Variants in MALRD1 observed in about 807,000 individuals in gnomAD.
MALRD1 encodes the protein MAM and LDL-receptor class A domain-containing protein 1.
A neutral mutation model predicts 242.1 loss-of-function variants in MALRD1; 247 were observed. That is an observed-to-expected ratio of 1.02 (90% CI 0.92 to 1.13). The LOEUF (loss-of-function observed/expected upper bound fraction) is 1.13. Among genes scored for constraint, MALRD1 ranks in the 50% most tolerant of loss-of-function variants. MALRD1 has a pLI of 0.00. For missense variants in MALRD1, 2,989 were observed against 2,533.1 expected, an observed-to-expected ratio of 1.18 and a Z score of -3.86; for synonymous variants, 995 against 866.6, an observed-to-expected ratio of 1.15 and a Z score of -2.60.
At position 19,473,211 on chromosome 10, in the gene MALRD1, A is replaced by G. The variant is rs560672229; in HGVS notation, c.5030-18306A>G. On this transcript the variant is annotated intron_variant, in intron 29 of 39. Coordinates refer to ENST00000454679, the MANE Select transcript of MALRD1 (RefSeq NM_001142308.3). ...AAATTTTTCAACTTAAATTTTGAGG[A>G]TAAAGTGAGGTTATGACGTATACCC... 2.0e-5 allele frequency among the ~76,000 whole-genome samples: 3 copies of G among 150,922 alleles called. 1 individual carries two copies. In the South Asian group the frequency reaches 6.3e-4, roughly 31 times the overall value.
chr10:19,132,571 G>A lies in MALRD1; in HGVS notation c.1111-1285G>A, dbSNP rs180862633. Among the ~76,000 whole-genome samples the A allele has an allele frequency of 1.6e-4, 24 of 152,302 alleles. 1 individual carries two copies. The East Asian group carries it at 4.2e-3, about 27-fold the overall frequency. On this transcript the variant is annotated intron_variant, in intron 8 of 39. Transcript: ENST00000454679. ...AAAATCTTGGGCATGCATAAATTAT[G>A]TGAGGCTGAGTGAGGACACAAATAT...
intron 21 of MALRD1, among the ~76,000 whole-genome samples, chr10:19,321,864 A>G (rs1842925961): frequency 1.3e-5 from 2 of 152,122 alleles, no homozygotes; most frequent in Admixed American, 1.3e-4. Context: ...ATTTAATCCA[A>G]TCTCCATTAA....
intron 31 of MALRD1, among the ~76,000 whole-genome samples, chr10:19,516,851 C>T (rs373046834): frequency 1.3e-5 from 2 of 152,180 alleles, no homozygotes; most frequent in African/African-American, 4.8e-5. Flanking sequence ...TCTATGAGGT[C>T]CTACAGAAGA....
intron 28 of MALRD1, among the ~76,000 whole-genome samples, chr10:19,391,359 T>C (rs1202010010): frequency 3.3e-5 from 5 of 152,126 alleles, no homozygotes; most frequent in Admixed American, 3.3e-4. Flanking sequence ...TTCATCTTGG[T>C]GATTAATAAG....
chr10:19,226,978 A>G (rs1412297513), intron 18 of MALRD1, among the ~76,000 whole-genome samples: 1 of 152,104 alleles, frequency 6.6e-6, no homozygotes, highest in Non-Finnish European at 1.5e-5. Flanking sequence ...TGCCAATCCA[A>G]AATTTCTAAA....
chr10:19,599,972 G>T (rs1838277909), intron 34 of MALRD1, among the ~76,000 whole-genome samples: 1 of 152,238 alleles, frequency 6.6e-6, no homozygotes, highest in South Asian at 2.1e-4. Flanking sequence ...CCCAGATGGG[G>T]AGAGAAGGTG....
intron 33 of MALRD1, among the ~76,000 whole-genome samples, chr10:19,585,958 C>G (rs12262137): frequency 5.8e-4 from 89 of 152,210 alleles, no homozygotes; most frequent in African/African-American, 1.7e-3. Flanking sequence ...CTTCCCTTCT[C>G]GCTTCATTTC....
intron 1 of MALRD1, among the ~76,000 whole-genome samples, chr10:19,061,580 A>G (rs2131227153): frequency 6.6e-6 from 1 of 152,338 alleles, no homozygotes; most frequent in African/African-American, 2.4e-5. Context: ...TGTGGTATTG[A>G]CATAAAGACA....
At chr10:19,327,530 C>T (rs1317065289) in intron 22 of MALRD1, 33 bp from the exon 23 acceptor site, 4 of 1,481,806 alleles carry the variant, frequency 2.7e-6, no homozygotes, top group East Asian at 4.9e-5. Context: ...AGATAAAATA[C>T]TTCAGTGCCT....
intron 18 of MALRD1, among the ~76,000 whole-genome samples, chr10:19,256,563 G>A (rs763335768): frequency 6.6e-6 from 1 of 151,946 alleles, no homozygotes; most frequent in Non-Finnish European, 1.5e-5. Context: ...ACAATGTCAG[G>A]GGGACTATAT....
At chr10:19,339,001 TTAA>T (rs1314933582) in intron 24 of MALRD1, among the ~76,000 whole-genome samples, 3 of 151,246 alleles carry the variant, frequency 2.0e-5, no homozygotes, top group Non-Finnish European at 4.4e-5. Flanking sequence ...TTAGATTGAA[TTAA>T]TAAGTCCTAC....
chr10:19,331,001 G>T (rs183323965), intron 23 of MALRD1, among the ~76,000 whole-genome samples: 3 of 152,134 alleles, frequency 2.0e-5, no homozygotes, highest in Non-Finnish European at 4.4e-5. Flanking sequence ...TATGTCATCT[G>T]ATCTACTGCT....
chr10:19,503,486 C>A (rs1296867965), intron 31 of MALRD1, among the ~76,000 whole-genome samples: 3 of 152,092 alleles, frequency 2.0e-5, no homozygotes, highest in Admixed American at 1.3e-4. Flanking sequence ...GGGAGAGAAA[C>A]AACAAACATC....
At chr10:19,192,850 G>T (rs1836055687) in intron 14 of MALRD1, among the ~76,000 whole-genome samples, 1 of 152,150 alleles carries the variant, frequency 6.6e-6, no homozygotes, top group Non-Finnish European at 1.5e-5. Context: ...AGACTCTAAA[G>T]ATAACATTCC....
At chr10:19,364,548 C>T (rs1845030903) in intron 26 of MALRD1, among the ~76,000 whole-genome samples, 1 of 152,052 alleles carries the variant, frequency 6.6e-6, no homozygotes, top group African/African-American at 2.4e-5. Context: ...TCTTGGTTAT[C>T]AAGCTAAAAC....
intron 29 of MALRD1, among the ~76,000 whole-genome samples, chr10:19,477,043 A>AT (rs1375874761): frequency 6.6e-6 from 1 of 151,966 alleles, no homozygotes; most frequent in Non-Finnish European, 1.5e-5. Context: ...ATAATTCTTG[A>AT]TTTTTTCATT....
chr10:19,286,930 T>G (rs1841155201), intron 21 of MALRD1, among the ~76,000 whole-genome samples: 1 of 150,966 alleles, frequency 6.6e-6, no homozygotes, highest in African/African-American at 2.4e-5. Flanking sequence ...AATAAAATAC[T>G]GGCAAACCGA....
chr10:19,284,143 T>A (rs1840973112), intron 21 of MALRD1, among the ~76,000 whole-genome samples: 2 of 152,364 alleles, frequency 1.3e-5, no homozygotes, highest in South Asian at 4.1e-4. Flanking sequence ...GTAATATTTT[T>A]CTTTATTGAC....
At chr10:19,063,713 T>C (rs1470957876) in intron 1 of MALRD1, among the ~76,000 whole-genome samples, 1 of 150,900 alleles carries the variant, frequency 6.6e-6, no homozygotes, top group African/African-American at 2.4e-5. Context: ...TGGTTCCAAG[T>C]GTTCTCACTC....
Sources: gnomAD v4.1 joint callset for allele counts (sites outside exome capture counted in the v4.1 genomes callset) on GRCh38, gnomAD v4.1.1 for gene constraint, MANE v1.5 for transcripts, NCBI Gene and HGNC (gene_info 2026-07-23, HGNC 2026-07-21) for gene names.